TEKT5: variants seen among roughly 807,000 people sequenced by gnomAD.
The protein encoded by TEKT5 is tektin 5, also known as tektin-5.
A neutral mutation model predicts 48.7 loss-of-function variants in TEKT5; 52 were observed. The observed-to-expected ratio is 1.07, with a 90% CI of 0.86 to 1.35. TEKT5 has a LOEUF of 1.35. Ranked by LOEUF, TEKT5 falls within the 40% of genes most tolerant of loss-of-function variation. TEKT5 has a pLI of 0.00. For missense variants in TEKT5, 831 were observed against 641.6 expected (o/e 1.30, Z -3.19); for synonymous variants, 318 against 267.6 (o/e 1.19, Z -1.84).
At chr16:10,691,889 AG>A (rs1340296777) in intron 1 of TEKT5, among the ~76,000 whole-genome samples, 1 of 149,002 alleles carries the variant, frequency 6.7e-6, no homozygotes, top group African/African-American at 2.5e-5. Context: ...CGGAGCTTGC[AG>A]TGAGCCGAGA....
At chr16:10,664,504 C>T (rs776923761) in intron 5 of TEKT5, among the ~76,000 whole-genome samples, 1 of 152,226 alleles carries the variant, frequency 6.6e-6, no homozygotes, top group African/African-American at 2.4e-5. Flanking sequence ...GAAGACCTAA[C>T]TTTTGGTCCT....
chr16:10,653,915 A>G (rs1423381764), intron 5 of TEKT5, among the ~76,000 whole-genome samples: 2 of 148,786 alleles, frequency 1.3e-5, no homozygotes, highest in Non-Finnish European at 2.9e-5. Context: ...CTCTGTCTCA[A>G]AACAAAAACA....
intron 6 of TEKT5, among the ~76,000 whole-genome samples, chr16:10,628,195 A>G (rs1048445861): frequency 1.3e-5 from 2 of 152,174 alleles, no homozygotes; most frequent in African/African-American, 4.8e-5. Flanking sequence ...TGCACTGGGA[A>G]CTGTGCCTGG....
chr16:10,647,995 G>A (rs545250874), intron 5 of TEKT5, among the ~76,000 whole-genome samples: 123 of 152,328 alleles, frequency 8.1e-4, no homozygotes, highest in Middle Eastern at 3.4e-3. Flanking sequence ...GCACATACGA[G>A]TACTGGCTAC....
intron 5 of TEKT5, among the ~76,000 whole-genome samples, chr16:10,646,093 G>A (rs1898065332): frequency 6.6e-6 from 1 of 151,216 alleles, no homozygotes; most frequent in Non-Finnish European, 1.5e-5. Context: ...TCACAACACT[G>A]TACTGCATTC....
intron 1 of TEKT5, 128 bp downstream of exon 1, chr16:10,694,182 T>A: frequency 1.3e-6 from 1 of 798,552 alleles, no homozygotes; most frequent in Non-Finnish European, 2.0e-6. Flanking sequence ...TTACTGATCG[T>A]ATTCGATGAT....
intron 5 of TEKT5, among the ~76,000 whole-genome samples, chr16:10,662,143 C>A (rs1034830660): frequency 2.0e-5 from 3 of 152,168 alleles, no homozygotes; most frequent in African/African-American, 7.2e-5. Flanking sequence ...CTGTCCTGTG[C>A]ACTGTGGGAT....
At chr16:10,656,309 T>C (rs35461887) in intron 5 of TEKT5, among the ~76,000 whole-genome samples, 4,590 of 152,352 alleles carry the variant, frequency 0.03, 192 homozygotes, top group East Asian at 0.2. Flanking sequence ...TGGAATGCAG[T>C]GGCGTGATGT....
At chr16:10,634,762 G>A (rs1294131187) in intron 6 of TEKT5, among the ~76,000 whole-genome samples, 4 of 152,136 alleles carry the variant, frequency 2.6e-5, no homozygotes, top group Non-Finnish European at 5.9e-5. Flanking sequence ...AGACCCATGG[G>A]TGAATGAGGG....
chr16:10,635,678 G>A, intron 6 of TEKT5, 86 bp downstream of exon 6: 1 of 1,536,414 alleles, frequency 6.5e-7, no homozygotes, highest in Non-Finnish European at 8.8e-7. Context: ...TTCAGACCCA[G>A]TGCACCTAGA....
intron 3 of TEKT5, among the ~76,000 whole-genome samples, chr16:10,683,721 G>C (rs142438744): frequency 6.6e-6 from 1 of 152,230 alleles, no homozygotes; most frequent in African/African-American, 2.4e-5. Context: ...CTCCCTAGTA[G>C]CTGGGATTAC....
chr16:10,650,911 G>T (rs984258911), intron 5 of TEKT5, among the ~76,000 whole-genome samples: 2 of 150,758 alleles, frequency 1.3e-5, no homozygotes, highest in African/African-American at 4.9e-5. Flanking sequence ...CACACCCACT[G>T]TATCTGGGGG....
At chr16:10,670,344 T>C (rs1034387852) in intron 5 of TEKT5, among the ~76,000 whole-genome samples, 2 of 152,156 alleles carry the variant, frequency 1.3e-5, no homozygotes, top group African/African-American at 2.4e-5. Flanking sequence ...CTGGTCAACA[T>C]GGTGAAACCT....
intron 3 of TEKT5, among the ~76,000 whole-genome samples, chr16:10,682,736 T>A (rs1387908639): frequency 6.6e-6 from 1 of 152,240 alleles, no homozygotes; most frequent in African/African-American, 2.4e-5. Flanking sequence ...TACTCAACTG[T>A]GCACGAGAGC....
intron 4 of TEKT5, among the ~76,000 whole-genome samples, chr16:10,680,631 T>A (rs1170255970): frequency 6.6e-6 from 1 of 151,798 alleles, no homozygotes; most frequent in Non-Finnish European, 1.5e-5. Flanking sequence ...GATGATAGAC[T>A]GGATTAAGAA....
At chr16:10,648,072 T>C (rs779864684) in intron 5 of TEKT5, among the ~76,000 whole-genome samples, 48 of 152,316 alleles carry the variant, frequency 3.2e-4, no homozygotes, top group Non-Finnish European at 6.6e-4. Flanking sequence ...GTTAAAAATA[T>C]TTATTAAATG....
intron 5 of TEKT5, among the ~76,000 whole-genome samples, chr16:10,637,790 G>C (rs1567224781): frequency 6.6e-6 from 1 of 152,206 alleles, no homozygotes; most frequent in Non-Finnish European, 1.5e-5. Context: ...CAACATTTGT[G>C]TTGGGTACAT....
At chr16:10,694,240 A>T in intron 1 of TEKT5, 70 bp downstream of exon 1, 2 of 1,467,996 alleles carry the variant, frequency 1.4e-6, no homozygotes, top group Non-Finnish European at 1.8e-6. Flanking sequence ...ATCTTCAGTC[A>T]AGGGAAGCAG....
In TEKT5 at chr16:10,689,916, C is replaced by A. The variant is rs375154843; in HGVS notation, c.648+26G>T. On this transcript the variant is annotated intron_variant, in intron 2 of 6. Coordinates refer to ENST00000283025, the MANE Select transcript of TEKT5 (RefSeq NM_144674.2). Reference sequence around the variant, plus strand: ...TGGCCTTCCCGCCTCCTTCAGGGGGCTGGGCAGAACCAGGAGATGCCTTAC... The same window carrying A: ...TGGCCTTCCCGCCTCCTTCAGGGGGATGGGCAGAACCAGGAGATGCCTTAC... 1.2e-5 allele frequency: 19 copies of A among 1,612,846 alleles called. No homozygotes were observed. The South Asian group carries it at 2.1e-4, about 18-fold the overall frequency.
Sources: gnomAD v4.1 joint callset for allele counts (sites outside exome capture counted in the v4.1 genomes callset) on GRCh38, gnomAD v4.1.1 for gene constraint, MANE v1.5 for transcripts, NCBI Gene and HGNC (gene_info 2026-07-23, HGNC 2026-07-21) for gene names.